KIF13B: variants seen among roughly 807,000 people sequenced by gnomAD.
KIF13B encodes the protein kinesin family member 13B, also known as kinesin-like protein KIF13B.
A neutral mutation model predicts 222.0 loss-of-function variants in KIF13B; 127 were observed. The observed-to-expected ratio is 0.57, with a 90% CI of 0.50 to 0.66. The LOEUF is 0.66. KIF13B is among the 30% of genes least tolerant of loss of function. The probability of loss-of-function intolerance (pLI) is 0.00; values close to 1 mark genes in which losing one functional copy is unlikely to be tolerated. For missense variants in KIF13B, 2,173 were observed against 2,379.0 expected (o/e 0.91, Z 1.80); for synonymous variants, 976 against 919.0 (o/e 1.06, Z -1.12).
At chr8:29,192,922 T>G (rs1425286561) in intron 3 of KIF13B, among the ~76,000 whole-genome samples, 37 of 139,438 alleles carry the variant, frequency 2.7e-4, no homozygotes, top group Non-Finnish European at 3.6e-4. Context: ...CTGATGGGGG[T>G]AAGGGTGGGG....
rs1446176468 is a variant in KIF13B, at chr8:29,188,549, G to A, written c.282C>T (p.Gly94=). Residue 94 remains glycine, a synonymous_variant, in exon 5 of 40, where the codon GGC becomes GGT. Transcript: ENST00000524189. ...GENILQNAFD[G]YNACIFAYGQ... is the part of the protein sequence containing the mutation. The stretch of plus-strand genomic sequence containing the variant: ...CATAGGCAAAGATACATGCATTGTA[G>A]CCATCAAAAGCATTCTGCAGGATAT... The A allele has an allele frequency of 9.3e-6, 15 of 1,610,992 alleles. No individual in the cohort carries two copies. Among genetic ancestry groups the A allele is most frequent in the Non-Finnish European group, 1.3e-5 (15 of 1,177,626 alleles).
At position 29,069,792 on chromosome 8, in the gene KIF13B, C is replaced by G. The variant is rs1270347708; in HGVS notation, c.*712G>C. 3 of 152,254 alleles carry G rather than the reference C, an allele frequency of 2.0e-5. No individual in the cohort carries two copies. Among genetic ancestry groups the G allele is most frequent in the Non-Finnish European group, 4.4e-5 (3 of 68,048 alleles). 9.4% of individuals were successfully genotyped at this position (152,254 alleles called of 1,614,324 possible). On this transcript the variant is annotated 3_prime_UTR_variant, in exon 40 of 40. Transcript: ENST00000524189. Reference sequence around the variant, plus strand: ...CCAAGCCTTCTGTGAAGGGAATAAACGGCAAACATAAGAGACTTTCCAGGT... The same window carrying G: ...CCAAGCCTTCTGTGAAGGGAATAAAGGGCAAACATAAGAGACTTTCCAGGT...
chr8:29,155,576 A>G, intron 14 of KIF13B, 150 bp downstream of exon 14: 2 of 604,536 alleles, frequency 3.3e-6, no homozygotes, highest in Non-Finnish European at 5.9e-6. Context: ...TGGGTGTGAG[A>G]GGCATTAAAG....
At chr8:29,261,405 GT>G (rs1210896897) in intron 1 of KIF13B, among the ~76,000 whole-genome samples, 9 of 152,224 alleles carry the variant, frequency 5.9e-5, no homozygotes, top group African/African-American at 1.7e-4. Flanking sequence ...TATCTGAGAT[GT>G]CTTTTGTGGT....
chr8:29,215,650 C>A (rs1814444299), intron 2 of KIF13B, among the ~76,000 whole-genome samples: 1 of 152,204 alleles, frequency 6.6e-6, no homozygotes, highest in South Asian at 2.1e-4. Context: ...CGTGATGGCA[C>A]CACTGCACTC....
rs370603974 is a variant in KIF13B at position 29,138,395 on chromosome 8, C to G, written c.2613+1668G>C. The G allele has an allele frequency of 4.1e-5, 6 of 146,424 alleles. No homozygotes were observed. The South Asian group carries it at 8.7e-4, about 21-fold the overall frequency. The allele number at this position is 146,424 out of a possible 1,614,324, so 9.1% of individuals were successfully genotyped here. On this transcript the variant is annotated intron_variant, in intron 21 of 39. Transcript: ENST00000524189. ...GGGAGAGATGCAACATTTATCCTTCCTTTTCTATACAAATTATCTCTGTAG... is the reference window on the plus strand; with the variant it reads ...GGGAGAGATGCAACATTTATCCTTCGTTTTCTATACAAATTATCTCTGTAG...
At chr8:29,129,921 C>T (rs1810272086) in intron 24 of KIF13B, among the ~76,000 whole-genome samples, 1 of 152,174 alleles carries the variant, frequency 6.6e-6, no homozygotes, top group South Asian at 2.1e-4. Flanking sequence ...CAGGCGAAGG[C>T]AAGAGGTTAT....
chr8:29,226,951 T>A (rs550077868), intron 2 of KIF13B, among the ~76,000 whole-genome samples: 1 of 152,184 alleles, frequency 6.6e-6, no homozygotes, highest in Non-Finnish European at 1.5e-5. Flanking sequence ...ACTGCAAAAA[T>A]TGCAACCTCA....
intron 37 of KIF13B, among the ~76,000 whole-genome samples, chr8:29,082,391 C>T (rs57454705): frequency 0.03 from 4,507 of 152,132 alleles, 237 homozygotes; most frequent in African/African-American, 0.1. Flanking sequence ...GAAAAGATAT[C>T]GCTTCTGATT....
At chr8:29,105,119 A>G (rs1402980758) in intron 35 of KIF13B, among the ~76,000 whole-genome samples, 1 of 152,032 alleles carries the variant, frequency 6.6e-6, no homozygotes, top group Non-Finnish European at 1.5e-5. Flanking sequence ...AGCATAAGCC[A>G]TATTGCCTCG....
chr8:29,156,754 C>G (rs1218994118), intron 13 of KIF13B, among the ~76,000 whole-genome samples: 1 of 151,254 alleles, frequency 6.6e-6, no homozygotes, highest in Non-Finnish European at 1.5e-5. Context: ...CTCCTGGGCT[C>G]AAGCAATCCT....
chr8:29,109,653 ACT>A, intron 33 of KIF13B, 142 bp from the exon 34 acceptor site: 1 of 763,158 alleles, frequency 1.3e-6, no homozygotes. Context: ...ATTATTACGT[ACT>A]GCATGCCTGT....
chr8:29,202,677 C>T (rs926740827), intron 2 of KIF13B, among the ~76,000 whole-genome samples: 1 of 152,140 alleles, frequency 6.6e-6, no homozygotes, highest in African/African-American at 2.4e-5. Context: ...AATGTCTAAG[C>T]GGAGAGCAGA....
At chr8:29,144,649 T>C (rs1810973131) in intron 18 of KIF13B, among the ~76,000 whole-genome samples, 1 of 152,202 alleles carries the variant, frequency 6.6e-6, no homozygotes, top group Non-Finnish European at 1.5e-5. Context: ...GTGTGGGTAG[T>C]GGCTTTCCTG....
At chr8:29,257,219 C>T (rs1816514279) in intron 1 of KIF13B, among the ~76,000 whole-genome samples, 3 of 152,174 alleles carry the variant, frequency 2.0e-5, no homozygotes, top group Non-Finnish European at 4.4e-5. Flanking sequence ...CTAAAGATAT[C>T]TTTATCTCCT....
At chr8:29,103,643 A>C (rs984016410) in intron 35 of KIF13B, among the ~76,000 whole-genome samples, 3 of 152,210 alleles carry the variant, frequency 2.0e-5, no homozygotes, top group Admixed American at 2.0e-4. Context: ...TCATCAATTC[A>C]ATCTTGGTGG....
chr8:29,181,156 T>A (rs1357613639), intron 7 of KIF13B, among the ~76,000 whole-genome samples: 1 of 152,180 alleles, frequency 6.6e-6, no homozygotes, highest in Non-Finnish European at 1.5e-5. Context: ...AGGCATGCTA[T>A]CTCGTGTTGG....
chr8:29,174,759 T>A (rs548643518), intron 10 of KIF13B, among the ~76,000 whole-genome samples: 1 of 152,352 alleles, frequency 6.6e-6, no homozygotes, highest in South Asian at 2.1e-4. Flanking sequence ...TACTGAATTT[T>A]AGCATTACAT....
intron 10 of KIF13B, among the ~76,000 whole-genome samples, chr8:29,175,477 C>G (rs1812436859): frequency 6.6e-6 from 1 of 152,248 alleles, no homozygotes; most frequent in Admixed American, 6.5e-5. Flanking sequence ...TACCACCGCA[C>G]ATTGGCTTTC....
Sources: gnomAD v4.1 joint callset for allele counts (sites outside exome capture counted in the v4.1 genomes callset) on GRCh38, gnomAD v4.1.1 for gene constraint, MANE v1.5 for transcripts, NCBI Gene and HGNC (gene_info 2026-07-23, HGNC 2026-07-21) for gene names.